VPS26C: variants seen among roughly 807,000 people sequenced by gnomAD.
VPS26C encodes the protein vacuolar protein sorting-associated protein 26C.
In VPS26C, 19 loss-of-function variants were observed where a neutral mutation model predicts 30.6. The ratio of observed to expected loss-of-function variants is 0.62; its 90% CI spans 0.43 to 0.91. The LOEUF is 0.91. VPS26C is among the 40% of genes least tolerant of loss of function. The pLI is 0.00. For missense variants in VPS26C, 318 were observed against 385.1 expected (o/e 0.83, Z 1.46); for synonymous variants, 132 against 151.5 (o/e 0.87, Z 0.95).
At chr21:37,227,469 C>T (rs1276848518) in intron 7 of VPS26C, 185 bp downstream of exon 7, 3 of 648,990 alleles carry the variant, frequency 4.6e-6, no homozygotes, top group African/African-American at 1.8e-5. Context: ...GGCACAGCAG[C>T]TCCTTAACAA....
At chr21:37,250,079 GGATCACCTGA>G (rs1262700497) in intron 1 of VPS26C, among the ~76,000 whole-genome samples, 5 of 152,148 alleles carry the variant, frequency 3.3e-5, no homozygotes, top group Non-Finnish European at 4.4e-5. Flanking sequence ...TGAGGCAGGC[GGATCACCTGA>G]GATCAGGAGT....
intron 3 of VPS26C, among the ~76,000 whole-genome samples, chr21:37,236,072 G>A (rs73220516): frequency 0.05 from 7,578 of 151,800 alleles, 318 homozygotes; most frequent in East Asian, 0.23. Flanking sequence ...GATTTTTACC[G>A]TTTTAGATTG....
intron 1 of VPS26C, among the ~76,000 whole-genome samples, chr21:37,255,380 C>T (rs948133942): frequency 2.6e-5 from 4 of 152,084 alleles, no homozygotes; most frequent in South Asian, 4.1e-4. Flanking sequence ...AAACCATAAA[C>T]GTAAATAAGA....
intron 5 of VPS26C, chr21:37,228,772 C>T (rs1399271793): frequency 6.0e-6 from 1 of 165,496 alleles, no homozygotes; most frequent in African/African-American, 2.4e-5. Context: ...TGGCTCAGGC[C>T]CGTAATCCCA....
intron 1 of VPS26C, among the ~76,000 whole-genome samples, chr21:37,255,449 T>C (rs1488371504): frequency 6.6e-6 from 1 of 152,142 alleles, no homozygotes; most frequent in Admixed American, 6.5e-5. Flanking sequence ...CTGGAAAGCA[T>C]GTGAGCCAAT....
At chr21:37,253,263 G>C (rs1260048852) in intron 1 of VPS26C, among the ~76,000 whole-genome samples, 1 of 152,194 alleles carries the variant, frequency 6.6e-6, no homozygotes, top group African/African-American at 2.4e-5. Flanking sequence ...CATGCTTGCT[G>C]TATCAGACAC....
At chr21:37,267,040 C>G (rs1296798499) in intron 1 of VPS26C, 198 bp downstream of exon 1, 2 of 631,462 alleles carry the variant, frequency 3.2e-6, no homozygotes, top group East Asian at 2.9e-5. Context: ...GGGGCCTCCT[C>G]GCAGGGCAGC....
At chr21:37,255,590 A>G (rs1261844193) in intron 1 of VPS26C, among the ~76,000 whole-genome samples, 2 of 152,190 alleles carry the variant, frequency 1.3e-5, no homozygotes, top group Non-Finnish European at 2.9e-5. Flanking sequence ...TCCTATCAGA[A>G]GCAAAAGGGC....
At chr21:37,267,477 C>T, upstream of VPS26C, 4 of 605,738 alleles carry the variant, frequency 6.6e-6, no homozygotes, top group South Asian at 7.9e-5. Context: ...CGCCTTCCTC[C>T]TTCCGGCACA....
chr21:37,247,392 T>C (rs1385366020), intron 1 of VPS26C, among the ~76,000 whole-genome samples: 1 of 152,168 alleles, frequency 6.6e-6, no homozygotes, highest in African/African-American at 2.4e-5. Context: ...TTGTTCACAG[T>C]AGGAAATTAA....
rs1256129657 is a variant in VPS26C, at chr21:37,267,280, C to T, written c.15G>A (p.Leu5=). Residue 5 remains leucine, a synonymous_variant, in exon 1 of 8, where the codon CTG becomes CTA. Transcript: ENST00000309117. ...TATTCGCTCTTTTAATCTTGATGTC[C>T]AGGGCGGTCCCCATCTCCAATTCTC... is the stretch of plus-strand genomic sequence containing the variant. MGTA[L]DIKIKRANKV... 1 of 1,563,792 alleles carries T rather than the reference C, an allele frequency of 6.4e-7. No individual in the cohort carries two copies. Among genetic ancestry groups the T allele is most frequent in the Non-Finnish European group, 8.7e-7 (1 of 1,150,284 alleles).
intron 7 of VPS26C, 126 bp downstream of exon 7, chr21:37,227,528 G>A: frequency 2.7e-6 from 3 of 1,110,730 alleles, no homozygotes; most frequent in Non-Finnish European, 3.9e-6. Flanking sequence ...TGTATGGCCT[G>A]TGGCAGGCCC....
chr21:37,244,025 C>T (rs190725106), intron 1 of VPS26C, among the ~76,000 whole-genome samples: 275 of 152,298 alleles, frequency 1.8e-3, no homozygotes, highest in African/African-American at 6.0e-3. Context: ...AGAACCACAC[C>T]ACTCAGAGCC....
At chr21:37,246,546 C>T (rs1031394509) in intron 1 of VPS26C, among the ~76,000 whole-genome samples, 3 of 152,000 alleles carry the variant, frequency 2.0e-5, no homozygotes, top group Admixed American at 6.6e-5. Context: ...GTCAAAAGAA[C>T]CAACTGTGAG....
chr21:37,237,804 C>G (rs190265795), intron 3 of VPS26C: 1 of 152,270 alleles, frequency 6.6e-6, no homozygotes, highest in Non-Finnish European at 1.5e-5. Flanking sequence ...AAAAAAATTC[C>G]TGACTTTCAT....
At chr21:37,234,647 A>T (rs916779500) in intron 3 of VPS26C, among the ~76,000 whole-genome samples, 9 of 152,224 alleles carry the variant, frequency 5.9e-5, no homozygotes, top group African/African-American at 1.7e-4. Flanking sequence ...GAATTATGTC[A>T]AAAATAATTT....
intron 1 of VPS26C, among the ~76,000 whole-genome samples, chr21:37,248,647 T>C (rs1267584553): frequency 6.6e-6 from 1 of 151,700 alleles, no homozygotes; most frequent in Non-Finnish European, 1.5e-5. Context: ...CAGGAGATCA[T>C]TCCCTGAATT....
At chr21:37,240,422 G>A (rs2086073479) in intron 2 of VPS26C, 74 bp downstream of exon 2, 2 of 1,553,162 alleles carry the variant, frequency 1.3e-6, no homozygotes, top group African/African-American at 1.4e-5. Flanking sequence ...ACTGCGCCTG[G>A]CCCTGAGCCA....
At chr21:37,246,856 C>T (rs9979726) in intron 1 of VPS26C, among the ~76,000 whole-genome samples, 60,200 of 152,060 alleles carry the variant, frequency 0.4, 12,320 homozygotes, top group East Asian at 0.51. Flanking sequence ...CTCCCAGGCT[C>T]CAGTGATCCT....
Sources: gnomAD v4.1 joint callset for allele counts (sites outside exome capture counted in the v4.1 genomes callset) on GRCh38, gnomAD v4.1.1 for gene constraint, MANE v1.5 for transcripts, NCBI Gene and HGNC (gene_info 2026-07-23, HGNC 2026-07-21) for gene names.